Variants in CCDC91 observed in about 807,000 individuals in gnomAD.
CCDC91 encodes the protein coiled-coil domain containing 91, also known as coiled-coil domain-containing protein 91.
A neutral mutation model predicts 63.2 loss-of-function variants in CCDC91; 48 were observed. That is an observed-to-expected ratio of 0.76 (90% CI 0.60 to 0.97). The LOEUF (loss-of-function observed/expected upper bound fraction) is 0.97, where lower values mean the gene tolerates loss of function less well. Among genes scored for constraint, CCDC91 ranks in the 50% least tolerant of loss-of-function variants. The pLI is 0.00. For missense variants in CCDC91, 500 were observed against 494.6 expected, an observed-to-expected ratio of 1.01 and a Z score of -0.10; for synonymous variants, 167 against 165.8, an observed-to-expected ratio of 1.01 and a Z score of -0.06.
intron 12 of CCDC91, among the ~76,000 whole-genome samples, chr12:28,529,588 C>T (rs1452989799): frequency 6.6e-6 from 1 of 152,162 alleles, no homozygotes; most frequent in Non-Finnish European, 1.5e-5. Context: ...AGTGCATGCA[C>T]TTGGTCCTCC....
intron 3 of CCDC91, among the ~76,000 whole-genome samples, chr12:28,289,693 T>C (rs1334958444): frequency 1.0e-4 from 9 of 87,546 alleles, no homozygotes; most frequent in African/African-American, 2.1e-4. Flanking sequence ...TTCTTTTTTT[T>C]TTTTTTTTTT....
chr12:28,285,658 G>A (rs1207798663), intron 3 of CCDC91, among the ~76,000 whole-genome samples: 1 of 98,432 alleles, frequency 1.0e-5, no homozygotes, highest in African/African-American at 3.3e-5. Context: ...CCCTGCCAGT[G>A]TTTATCTGTG....
At chr12:28,401,745 C>G (rs1384077504) in intron 8 of CCDC91, among the ~76,000 whole-genome samples, 1 of 152,136 alleles carries the variant, frequency 6.6e-6, no homozygotes, top group African/African-American at 2.4e-5. Flanking sequence ...CAAACTATAT[C>G]AATCATGTTT....
At chr12:28,302,244 A>G (rs1440961279) in intron 3 of CCDC91, among the ~76,000 whole-genome samples, 1 of 151,990 alleles carries the variant, frequency 6.6e-6, no homozygotes, top group African/African-American at 2.4e-5. Flanking sequence ...ATAATGAAAA[A>G]TTAGAATTAT....
chr12:28,248,413 T>G (rs1481934454), intron 1 of CCDC91, among the ~76,000 whole-genome samples: 1 of 152,058 alleles, frequency 6.6e-6, no homozygotes, highest in Non-Finnish European at 1.5e-5. Flanking sequence ...AATGAGATAG[T>G]CCAGGGAGTG....
At chr12:28,358,821 A>G (rs1446335953) in intron 6 of CCDC91, among the ~76,000 whole-genome samples, 1 of 152,242 alleles carries the variant, frequency 6.6e-6, no homozygotes, top group Admixed American at 6.5e-5. Flanking sequence ...ATCTGGGGTA[A>G]ATAGCCTTTG....
intron 11 of CCDC91, among the ~76,000 whole-genome samples, chr12:28,469,597 A>T (rs1566022119): frequency 6.6e-6 from 1 of 152,144 alleles, no homozygotes; most frequent in Non-Finnish European, 1.5e-5. Flanking sequence ...CCTGTAATTT[A>T]TATGGAATCA....
At chr12:28,211,288 TG>T (rs1005537871) in intron 1 of CCDC91, among the ~76,000 whole-genome samples, 8 of 152,014 alleles carry the variant, frequency 5.3e-5, no homozygotes, top group Admixed American at 5.2e-4. Flanking sequence ...TTCCTTTCCC[TG>T]AGTGGCCCTA....
chr12:28,353,490 C>G (rs1943317880), intron 6 of CCDC91, among the ~76,000 whole-genome samples: 1 of 152,068 alleles, frequency 6.6e-6, no homozygotes, highest in Non-Finnish European at 1.5e-5. Flanking sequence ...TTATTTCTAG[C>G]TTTTGATTTA....
chr12:28,409,306 A>G (rs1423252421), intron 8 of CCDC91, among the ~76,000 whole-genome samples: 2 of 152,086 alleles, frequency 1.3e-5, no homozygotes, highest in Non-Finnish European at 2.9e-5. Flanking sequence ...TTGTTGAACA[A>G]ATGTATATAC....
At chr12:28,446,599 A>T (rs1949512121) in intron 8 of CCDC91, among the ~76,000 whole-genome samples, 1 of 152,100 alleles carries the variant, frequency 6.6e-6, no homozygotes, top group African/African-American at 2.4e-5. Flanking sequence ...AGTAGCTGGG[A>T]CTACAGGCTC....
chr12:28,516,149 C>T (rs1037440616), intron 12 of CCDC91, among the ~76,000 whole-genome samples: 4 of 151,802 alleles, frequency 2.6e-5, no homozygotes, highest in Non-Finnish European at 4.4e-5. Context: ...CAAGAGCAGA[C>T]AGTTATTTTC....
chr12:28,503,179 A>G (rs1022915462), intron 12 of CCDC91, among the ~76,000 whole-genome samples: 1 of 152,238 alleles, frequency 6.6e-6, no homozygotes, highest in Admixed American at 6.5e-5. Context: ...TTCGCAACCT[A>G]CTAATCTGAC....
At chr12:28,243,762 G>A (rs947672586) in intron 1 of CCDC91, among the ~76,000 whole-genome samples, 18 of 152,160 alleles carry the variant, frequency 1.2e-4, no homozygotes, top group Non-Finnish European at 1.3e-4. Context: ...AACCGAGGGA[G>A]AAATTAAAAG....
chr12:28,347,997 T>C (rs1273903928), intron 6 of CCDC91, among the ~76,000 whole-genome samples: 2 of 152,192 alleles, frequency 1.3e-5, no homozygotes, highest in Non-Finnish European at 2.9e-5. Context: ...TTCCCTGTTT[T>C]AGACAACCAA....
intron 7 of CCDC91, among the ~76,000 whole-genome samples, chr12:28,389,947 A>G (rs1352501657): frequency 2.0e-5 from 3 of 152,142 alleles, no homozygotes; most frequent in Non-Finnish European, 4.4e-5. Flanking sequence ...CCTTACATAA[A>G]TTAATCATTG....
intron 3 of CCDC91, among the ~76,000 whole-genome samples, chr12:28,292,404 T>C (rs1225919828): frequency 6.6e-6 from 1 of 152,212 alleles, no homozygotes; most frequent in African/African-American, 2.4e-5. Flanking sequence ...CTTGTAAATT[T>C]GGGCATATAA....
chr12:28,491,804 A>T (rs1952015949), intron 12 of CCDC91, among the ~76,000 whole-genome samples: 1 of 150,960 alleles, frequency 6.6e-6, no homozygotes, highest in South Asian at 2.1e-4. Context: ...CATGGAGGGA[A>T]TTTTTTTGGC....
At chr12:28,531,551 A>G (rs916758888) in intron 12 of CCDC91, among the ~76,000 whole-genome samples, 1 of 152,160 alleles carries the variant, frequency 6.6e-6, no homozygotes, top group Non-Finnish European at 1.5e-5. Flanking sequence ...AAAGAGTACC[A>G]TCACTCATGT....
Sources: allele counts gnomAD v4.1 joint callset (sites outside exome capture counted in the v4.1 genomes callset), GRCh38; gene constraint gnomAD v4.1.1; transcripts MANE v1.5; gene names NCBI Gene and HGNC (gene_info 2026-07-23, HGNC 2026-07-21).